APOBEC3H: variants seen among roughly 807,000 people sequenced by gnomAD.
APOBEC3H encodes the protein DNA dC->dU-editing enzyme APOBEC-3H.
In APOBEC3H, 8 loss-of-function variants were observed where a neutral mutation model predicts 21.2. That is an observed-to-expected ratio of 0.38 (90% CI 0.22 to 0.68). The LOEUF (loss-of-function observed/expected upper bound fraction) is 0.68, where lower values mean the gene tolerates loss of function less well. Ranked by LOEUF, APOBEC3H falls within the 30% of genes least tolerant of loss-of-function variation. The pLI is 0.52. For missense variants in APOBEC3H, 229 were observed against 228.1 expected, an observed-to-expected ratio of 1.00 and a Z score of -0.03; for synonymous variants, 88 against 91.0, an observed-to-expected ratio of 0.97 and a Z score of 0.19.
intron 1 of APOBEC3H, among the ~76,000 whole-genome samples, chr22:39,098,721 C>A (rs1215769262): frequency 3.3e-5 from 5 of 152,154 alleles, no homozygotes; most frequent in Admixed American, 3.3e-4. Flanking sequence ...GCATCTCCTT[C>A]TCTTCTCCTC....
chr22:39,103,433 G>A lies in APOBEC3H; in HGVS notation c.544-256G>A, dbSNP rs114941113. On this transcript the variant is annotated intron_variant, in intron 4 of 4. Transcript: ENST00000442487. ...ATTTATGATTAAATTCTGAAAAGCA[G>A]ATGCAACCAAAACAGAAATTGACAA... is the stretch of plus-strand genomic sequence containing the variant. 3.5e-3 allele frequency among the ~76,000 whole-genome samples: 540 copies of A among 152,346 alleles called. 2 individuals carry two copies. The highest frequency in any genetic ancestry group is 0.013 in the African/African-American group (528 of 41,574).
At position 39,103,693 on chromosome 22, in the gene APOBEC3H, C is replaced by A. The variant is rs200886104; in HGVS notation, c.548C>A (p.Ser183Tyr). The change falls in exon 5 of 5, where the codon TCC (serine) becomes TAC (tyrosine). Residue 183 changes from serine (S) to tyrosine (Y), a missense_variant. Transcript: ENST00000442487. Reference sequence around the variant, plus strand: ...ACTTCTCTCTTTCCCTCTCAGCAGTCCTGAAGTGTGGATGTTTTAGAGAAT... The same window carrying A: ...ACTTCTCTCTTTCCCTCTCAGCAGTACTGAAGTGTGGATGTTTTAGAGAAT... ...IKRRLERIKQS is the reference protein window; with the variant it reads ...IKRRLERIKQY 1 of 1,614,108 alleles carries A rather than the reference C, an allele frequency of 6.2e-7. No homozygotes were observed. The highest frequency in any genetic ancestry group is 2.2e-5 in the East Asian group (1 of 44,884).
chr22:39,103,082 T>A (rs1929467403), intron 4 of APOBEC3H, among the ~76,000 whole-genome samples: 1 of 150,064 alleles, frequency 6.7e-6, no homozygotes, highest in Non-Finnish European at 1.5e-5. Context: ...AGCCCAGGAG[T>A]TCAAAGACCA....
At chr22:39,098,170 C>T (rs1465312012) in intron 1 of APOBEC3H, among the ~76,000 whole-genome samples, 3 of 152,244 alleles carry the variant, frequency 2.0e-5, no homozygotes, top group African/African-American at 4.8e-5. Context: ...GGCAGCCTCA[C>T]GTGAGCTCAG....
At chr22:39,103,071 G>A (rs1929466903) in intron 4 of APOBEC3H, among the ~76,000 whole-genome samples, 2 of 151,518 alleles carry the variant, frequency 1.3e-5, no homozygotes, top group Non-Finnish European at 1.5e-5. Context: ...TGGATCACTT[G>A]AGCCCAGGAG....
At chr22:39,101,035 C>T (rs894854067) in intron 2 of APOBEC3H, among the ~76,000 whole-genome samples, 15 of 152,112 alleles carry the variant, frequency 9.9e-5, no homozygotes, top group Admixed American at 5.9e-4. Context: ...CACACGGGTG[C>T]GTGAGTGCAG....
chr22:39,097,628 G>A (rs1258412007), intron 1 of APOBEC3H, among the ~76,000 whole-genome samples: 1 of 152,212 alleles, frequency 6.6e-6, no homozygotes, highest in African/African-American at 2.4e-5. Context: ...ACCTTGGGAG[G>A]GTGCTCTCTC....
intron 1 of APOBEC3H, among the ~76,000 whole-genome samples, chr22:39,098,924 T>A (rs565774642): frequency 1.3e-4 from 20 of 152,128 alleles, no homozygotes; most frequent in Non-Finnish European, 2.8e-4. Context: ...CGGGGCGCGG[T>A]GGCTCACGCC....
intron 1 of APOBEC3H, among the ~76,000 whole-genome samples, chr22:39,099,733 G>A (rs145665593): frequency 1.4e-3 from 219 of 152,306 alleles, no homozygotes; most frequent in Middle Eastern, 3.4e-3. Context: ...GGGAGGATGG[G>A]AGATAGCAGA....
intron 2 of APOBEC3H, 105 bp from the exon 3 acceptor site, chr22:39,101,132 C>T (rs1929290083): frequency 2.0e-6 from 1 of 508,854 alleles, no homozygotes; most frequent in Non-Finnish European, 3.5e-6. Context: ...GGACAGACCC[C>T]TCTGCCCCCC....
In APOBEC3H at chr22:39,104,006, C is replaced by A; in HGVS notation, c.*309C>A. On this transcript the variant is annotated 3_prime_UTR_variant, in exon 5 of 5. Transcript: ENST00000442487. ...TCCAGCCGGGTACGGTGGCTCACGC[C>A]TGTAATCCTAGCACTTTGGGAGGCT... 2.2e-6 allele frequency: 1 copy of A among 456,886 alleles called. No homozygotes were observed. The highest frequency in any genetic ancestry group is 3.7e-5 in the East Asian group (1 of 26,672). 28.3% of individuals were successfully genotyped at this position (456,886 alleles called of 1,614,324 possible). A position where few individuals can be genotyped will look rare whatever the true frequency, so the allele number is the denominator to read the frequency against.
chr22:39,100,659 C>T lies in APOBEC3H; in HGVS notation c.150+231C>T, dbSNP rs1720507036. On this transcript the variant is annotated intron_variant, in intron 2 of 4. Transcript: ENST00000442487. ...GTCCCCGGACCTCTGAAGAGGCCAACCCTTCTGTAGAATGCTCCTTCTGCC... is the reference window on the plus strand; with the variant it reads ...GTCCCCGGACCTCTGAAGAGGCCAATCCTTCTGTAGAATGCTCCTTCTGCC... The T allele has an allele frequency of 1.1e-5, 6 of 540,222 alleles. No homozygotes were observed. In the East Asian group the frequency reaches 1.8e-4, roughly 16 times the overall value. 33.5% of individuals were successfully genotyped at this position (540,222 alleles called of 1,614,324 possible).
chr22:39,098,246 T>G (rs1929113490), intron 1 of APOBEC3H, among the ~76,000 whole-genome samples: 1 of 152,230 alleles, frequency 6.6e-6, no homozygotes, highest in Admixed American at 6.5e-5. Flanking sequence ...ATTTTTTGTT[T>G]CGTTTTGTTT....
chr22:39,102,667 T>C (rs1285471982), intron 4 of APOBEC3H: 2 of 689,222 alleles, frequency 2.9e-6, no homozygotes, highest in African/African-American at 3.6e-5. Context: ...CAGCGTCTAT[T>C]ATTTACATCT....
chr22:39,098,915 G>A (rs139282), intron 1 of APOBEC3H, among the ~76,000 whole-genome samples: 50,303 of 152,000 alleles, frequency 0.33, 8,437 homozygotes, highest in South Asian at 0.44. Context: ...CAATCCTGGC[G>A]GGGCGCGGTG....
At position 39,103,742 on chromosome 22, in the gene APOBEC3H, A is replaced by G. The variant is rs778571752; in HGVS notation, c.*45A>G. 1.1e-4 allele frequency: 179 copies of G among 1,609,976 alleles called. No individual in the cohort carries two copies. Among genetic ancestry groups the G allele is most frequent in the Non-Finnish European group, 1.5e-4 (171 of 1,176,392 alleles). ...ATGACTTAAGAAGTTTGCAGCTTGG[A>G]CCCGTATCCCACTCATTATCAAGAA... On this transcript the variant is annotated 3_prime_UTR_variant, in exon 5 of 5. Transcript: ENST00000442487.
rs201440351 is a variant in APOBEC3H, at chr22:39,103,649, C to G, written c.544-40C>G. The G allele has an allele frequency of 4.2e-5, 67 of 1,607,514 alleles. No individual in the cohort carries two copies. The South Asian group carries it at 7.4e-4, about 18-fold the overall frequency. On this transcript the variant is annotated intron_variant, in intron 4 of 4. Transcript: ENST00000442487. ...CCCTCCCTTCCTCCCTGTGGTGTCC[C>G]ACCAGTTGGTACCTCCTAACTTCTC...
rs192445219 is a variant in APOBEC3H at position 39,099,898 on chromosome 22, C to T, written c.-7-374C>T. 8.4e-4 allele frequency among the ~76,000 whole-genome samples: 128 copies of T among 152,272 alleles called. 1 individual carries two copies. Among genetic ancestry groups the T allele is most frequent in the African/African-American group, 3.0e-3 (123 of 41,550 alleles). On this transcript the variant is annotated intron_variant, in intron 1 of 4. Transcript: ENST00000442487. ...ACAGAAAGGGTTGGGTTTGGCTGGG[C>T]GCAGGGGCTCACACCTGTAATCCCA... is the stretch of plus-strand genomic sequence containing the variant.
At chr22:39,097,707 T>C (rs1929084320) in intron 1 of APOBEC3H, among the ~76,000 whole-genome samples, 1 of 152,220 alleles carries the variant, frequency 6.6e-6, no homozygotes. Flanking sequence ...GGGAGCAATC[T>C]GGAATTTTGT....
Sources: gnomAD v4.1 joint callset for allele counts (sites outside exome capture counted in the v4.1 genomes callset) on GRCh38, gnomAD v4.1.1 for gene constraint, MANE v1.5 for transcripts, NCBI Gene and HGNC (gene_info 2026-07-23, HGNC 2026-07-21) for gene names.